Variants in RBFOX1 observed in about 807,000 individuals in gnomAD.
The protein encoded by RBFOX1 is RNA binding protein fox-1 homolog 1.
RBFOX1 carries 8 observed loss-of-function variants against 57.7 expected under a neutral mutation model. The ratio of observed to expected loss-of-function variants is 0.14; its 90% CI spans 0.08 to 0.25. RBFOX1 has a LOEUF of 0.25. RBFOX1 is among the 10% of genes least tolerant of loss of function. The pLI, the probability that RBFOX1 is intolerant of heterozygous loss-of-function variation, is 1.00. For synonymous variants in RBFOX1, 326 were observed against 222.4 expected (o/e 1.47, Z -4.15); for missense variants, 611 against 548.5 (o/e 1.11, Z -1.14).
intron 2 of RBFOX1, among the ~76,000 whole-genome samples, chr16:5,476,150 G>A (rs2069314769): frequency 1.3e-5 from 2 of 152,122 alleles, no homozygotes; most frequent in South Asian, 4.1e-4. Context: ...CATAAAGGGA[G>A]ACCCTGGGCA....
rs149528363 is a variant in RBFOX1, at chr16:5,944,046, A to AATCC, written c.351+76727_351+76730dup. Among the ~76,000 whole-genome samples the AATCC allele has an allele frequency of 2.6e-5, 4 of 151,548 alleles. No homozygotes were observed. In the East Asian group the frequency reaches 5.8e-4, roughly 22 times the overall value. ...ACCATCCATTCATCCAGTTATCATCAATCCATCCATCCATCCATCATTCAG... is the reference window on the plus strand; with the variant it reads ...ACCATCCATTCATCCAGTTATCATCAATCCATCCATCCATCCATCCATCATTCAG... On this transcript the variant is annotated intron_variant, in intron 4 of 19. Transcript: ENST00000641259.
chr16:7,292,923 T>G (rs537341786), intron 4 of RBFOX1, among the ~76,000 whole-genome samples: 1 of 152,202 alleles, frequency 6.6e-6, no homozygotes, highest in African/African-American at 2.4e-5. Flanking sequence ...GCCGAGCTTT[T>G]AAGGAGCAGG....
At chr16:7,692,317 G>A (rs1429020240) in intron 14 of RBFOX1, among the ~76,000 whole-genome samples, 1 of 152,076 alleles carries the variant, frequency 6.6e-6, no homozygotes, top group Non-Finnish European at 1.5e-5. Context: ...ATATTCAAAT[G>A]GCAGCTCTAT....
intron 13 of RBFOX1, among the ~76,000 whole-genome samples, chr16:7,675,731 C>G (rs1184962858): frequency 6.6e-6 from 1 of 150,838 alleles, no homozygotes; most frequent in African/African-American, 2.5e-5. Context: ...TGTATACCTT[C>G]TCACACACTA....
intron 3 of RBFOX1, among the ~76,000 whole-genome samples, chr16:5,788,166 C>T (rs2151723601): frequency 6.6e-6 from 1 of 152,300 alleles, no homozygotes; most frequent in South Asian, 2.1e-4. Context: ...CTGGAGGTTG[C>T]TCCCAGGACT....
At chr16:7,192,102 G>A (rs2085534447) in intron 4 of RBFOX1, among the ~76,000 whole-genome samples, 2 of 151,840 alleles carry the variant, frequency 1.3e-5, no homozygotes, top group South Asian at 2.1e-4. Context: ...AGAGAAAGGG[G>A]GATAAAAAAA....
intron 2 of RBFOX1, among the ~76,000 whole-genome samples, chr16:6,364,151 C>G (rs1291811645): frequency 6.6e-6 from 1 of 152,156 alleles, no homozygotes; most frequent in East Asian, 1.9e-4. Flanking sequence ...CTGAGAAGTC[C>G]AACTCTCCTT....
At chr16:7,126,487 C>G (rs2068585910) in intron 4 of RBFOX1, 1 of 229,888 alleles carries the variant, frequency 4.3e-6, no homozygotes. Flanking sequence ...TCAGAAACAT[C>G]CCTGACTGCT....
intron 2 of RBFOX1, among the ~76,000 whole-genome samples, chr16:6,647,967 T>C (rs750148279): frequency 5.9e-5 from 9 of 152,084 alleles, no homozygotes; most frequent in Non-Finnish European, 8.8e-5. Context: ...TCAGCCTCTC[T>C]AGTAGCTGGA....
Position 5,861,109 on chromosome 16 carries a change from A to G in RBFOX1, c.319-6194A>G, listed in dbSNP as rs1042881617. Among the ~76,000 whole-genome samples the G allele has an allele frequency of 3.9e-5, 6 of 152,196 alleles. No homozygotes were observed. In the East Asian group the frequency reaches 1.2e-3, roughly 29 times the overall value. On this transcript the variant is annotated intron_variant, in intron 3 of 19. Coordinates refer to the RBFOX1 transcript ENST00000641259. ...GATGGAGTCACACTGCCAGCATTCT[A>G]TCACCAGGAGAGTTTGGGAGAGGTT...
intron 4 of RBFOX1, among the ~76,000 whole-genome samples, chr16:7,091,725 G>C (rs1259394578): frequency 6.6e-6 from 1 of 152,138 alleles, no homozygotes; most frequent in Non-Finnish European, 1.5e-5. Context: ...AGTACTGGGG[G>C]AGCCTCCTCT....
chr16:7,420,748 AT>A (rs1254954669), intron 4 of RBFOX1, among the ~76,000 whole-genome samples: 1 of 149,634 alleles, frequency 6.7e-6, no homozygotes, highest in Non-Finnish European at 1.5e-5. Flanking sequence ...CATCTAGAGC[AT>A]TTTTTTCTTT....
chr16:5,992,009 A>C lies in RBFOX1; in HGVS notation c.351+124674A>C, dbSNP rs148719573. 2.9e-3 allele frequency among the ~76,000 whole-genome samples: 445 copies of C among 152,318 alleles called. 4 individuals are homozygous for C. The highest frequency in any genetic ancestry group is 0.01 in the African/African-American group (433 of 41,576). ...ATCAGGTAGTGAGAAAAAAATACAG[A>C]GATTTGTAAAAATGCATATACATTT... On this transcript the variant is annotated intron_variant, in intron 4 of 19. Transcript: ENST00000641259.
chr16:7,341,780 T>TTCCTTCCCTCCC (rs2096901046), intron 4 of RBFOX1, among the ~76,000 whole-genome samples: 23 of 56,400 alleles, frequency 4.1e-4, no homozygotes, highest in Admixed American at 1.3e-3. Flanking sequence ...CCCTCCCTCC[T>TTCCTTCCCTCCC]TCCTTCCTTC....
At chr16:5,545,130 C>G (rs928055882) in intron 2 of RBFOX1, among the ~76,000 whole-genome samples, 1 of 152,022 alleles carries the variant, frequency 6.6e-6, no homozygotes, top group Non-Finnish European at 1.5e-5. Flanking sequence ...GCACCTGCCA[C>G]CATGCCTGGC....
At chr16:6,603,854 C>T (rs987858778) in intron 2 of RBFOX1, among the ~76,000 whole-genome samples, 3 of 152,140 alleles carry the variant, frequency 2.0e-5, no homozygotes, top group Non-Finnish European at 4.4e-5. Flanking sequence ...CATGTGACCC[C>T]ATTTGCCTCG....
intron 2 of RBFOX1, among the ~76,000 whole-genome samples, chr16:6,562,981 G>A (rs569136168): frequency 2.8e-5 from 4 of 144,594 alleles, no homozygotes; most frequent in Admixed American, 1.4e-4. Context: ...TCTGTGCAAT[G>A]TACCTTCCAT....
chr16:5,918,016 G>A lies in RBFOX1; in HGVS notation c.351+50681G>A, dbSNP rs1271987565. On this transcript the variant is annotated intron_variant, in intron 4 of 19. Coordinates refer to the RBFOX1 transcript ENST00000641259. Reference sequence around the variant, plus strand: ...AGATTTAGAGTGCAGCTTGATCCTCGCCTTCTAAGAAAGCCCTCCTTTCAC... The same window carrying A: ...AGATTTAGAGTGCAGCTTGATCCTCACCTTCTAAGAAAGCCCTCCTTTCAC... Among the ~76,000 whole-genome samples, 6 of 152,064 alleles carry A rather than the reference G, an allele frequency of 3.9e-5. No individual in the cohort carries two copies. The South Asian group carries it at 1.2e-3, about 32-fold the overall frequency.
intron 2 of RBFOX1, among the ~76,000 whole-genome samples, chr16:6,453,649 T>C (rs969797308): frequency 1.3e-5 from 2 of 152,056 alleles, no homozygotes; most frequent in Admixed American, 1.3e-4. Flanking sequence ...TTCCAAACAA[T>C]AGAAAAAGAG....
Sources: gnomAD v4.1 joint callset for allele counts (sites outside exome capture counted in the v4.1 genomes callset) on GRCh38, gnomAD v4.1.1 for gene constraint, MANE v1.5 for transcripts, NCBI Gene and HGNC (gene_info 2026-07-23, HGNC 2026-07-21) for gene names.